The following ENPP4 variants were observed in gnomAD, a reference collection of about 807,000 sequenced individuals.
ENPP4 encodes bis(5'-adenosyl)-triphosphatase ENPP4.
Under a neutral mutation model 33.4 loss-of-function variants are expected in ENPP4, and 18 were observed. The ratio of observed to expected loss-of-function variants is 0.54; its 90% CI spans 0.37 to 0.80. ENPP4 has a LOEUF of 0.80. Among genes scored for constraint, ENPP4 ranks in the 30% least tolerant of loss-of-function variants. The pLI, the probability that ENPP4 is intolerant of heterozygous loss-of-function variation, is 0.00. For missense variants in ENPP4, 480 were observed against 541.7 expected (o/e 0.89, Z 1.13); for synonymous variants, 172 against 189.9 (o/e 0.91, Z 0.78).
intron 1 of ENPP4, among the ~76,000 whole-genome samples, chr6:46,131,907 A>C (rs1763907443): frequency 6.6e-6 from 1 of 152,204 alleles, no homozygotes; most frequent in African/African-American, 2.4e-5. Flanking sequence ...TCTGATGGCC[A>C]GTGATGGTGA....
intron 1 of ENPP4, among the ~76,000 whole-genome samples, chr6:46,139,109 T>C (rs1196628759): frequency 3.3e-5 from 5 of 151,864 alleles, no homozygotes; most frequent in African/African-American, 1.2e-4. Flanking sequence ...CCACCAATTA[T>C]TTCTGTGGGT....
intron 3 of ENPP4, among the ~76,000 whole-genome samples, chr6:46,142,117 T>G (rs1177979831): frequency 1.3e-5 from 2 of 151,350 alleles, no homozygotes; most frequent in African/African-American, 4.8e-5. Context: ...AGACTCAGAA[T>G]CAATGAAGTT....
At chr6:46,143,009 G>C (rs1764090154) in intron 3 of ENPP4, among the ~76,000 whole-genome samples, 1 of 151,602 alleles carries the variant, frequency 6.6e-6, no homozygotes, top group African/African-American at 2.4e-5. Context: ...TTGGTACTCG[G>C]GCTGAAAGAT....
intron 3 of ENPP4, among the ~76,000 whole-genome samples, chr6:46,142,922 C>G (rs1055781139): frequency 4.0e-5 from 6 of 151,764 alleles, no homozygotes; most frequent in African/African-American, 1.5e-4. Flanking sequence ...GAACCCTCAG[C>G]CTGACCACTG....
In ENPP4 at chr6:46,144,896, G is replaced by A. The variant is rs1424335754; in HGVS notation, c.*1256G>A. On this transcript the variant is annotated 3_prime_UTR_variant, in exon 4 of 4. Transcript: ENST00000321037. ...TTTGCATCACAGAAATAATCCCTCT[G>A]TTTAACATGTTTGTTCAGAGCCAAG... is the stretch of plus-strand genomic sequence containing the variant. 4 of 395,762 alleles carry A rather than the reference G, an allele frequency of 1.0e-5. No individual in the cohort carries two copies. Among genetic ancestry groups the A allele is most frequent in the Non-Finnish European group, 1.8e-5 (4 of 224,088 alleles). 24.5% of individuals were successfully genotyped at this position (395,762 alleles called of 1,614,324 possible). A position where few individuals can be genotyped will look rare whatever the true frequency, so the allele number is the denominator to read the frequency against.
At chr6:46,132,929 G>T (rs1343294566) in intron 1 of ENPP4, among the ~76,000 whole-genome samples, 1 of 151,926 alleles carries the variant, frequency 6.6e-6, no homozygotes, top group African/African-American at 2.4e-5. Context: ...GTGAATGGGA[G>T]TTCACTCATG....
chr6:46,140,515 C>G, intron 2 of ENPP4, 106 bp downstream of exon 2: 1 of 677,588 alleles, frequency 1.5e-6, no homozygotes, highest in Non-Finnish European at 2.4e-6. Flanking sequence ...TAGTTTAGAA[C>G]CATATACTCA....
At chr6:46,130,819 G>A (rs1763883870) in intron 1 of ENPP4, among the ~76,000 whole-genome samples, 1 of 152,192 alleles carries the variant, frequency 6.6e-6, no homozygotes, top group Admixed American at 6.5e-5. Context: ...GCTCAGAGAA[G>A]TGAAGGGACG....
At chr6:46,133,166 T>C (rs904224002) in intron 1 of ENPP4, among the ~76,000 whole-genome samples, 7 of 152,148 alleles carry the variant, frequency 4.6e-5, no homozygotes, top group Non-Finnish European at 7.4e-5. Context: ...GGAGGTATTT[T>C]ACTATGTAGA....
chr6:46,135,241 C>G (rs992446076), intron 1 of ENPP4, among the ~76,000 whole-genome samples: 1 of 152,024 alleles, frequency 6.6e-6, no homozygotes, highest in African/African-American at 2.4e-5. Flanking sequence ...ATGTTTAACC[C>G]TTTGAAGACT....
chr6:46,133,373 T>C (rs12209820), intron 1 of ENPP4, among the ~76,000 whole-genome samples: 13,471 of 152,186 alleles, frequency 0.089, 826 homozygotes, highest in South Asian at 0.2. Context: ...GCCTTATTTA[T>C]AGTCATAGAA....
intron 2 of ENPP4, 29 bp downstream of exon 2, chr6:46,140,438 A>G (rs1254032970): frequency 2.3e-6 from 3 of 1,292,402 alleles, no homozygotes; most frequent in African/African-American, 1.5e-5. Context: ...GAGGGATACT[A>G]TTATTCGAAT....
chr6:46,130,950 AACT>A (rs2127491314), intron 1 of ENPP4, among the ~76,000 whole-genome samples: 1 of 152,326 alleles, frequency 6.6e-6, no homozygotes, highest in Admixed American at 6.5e-5. Flanking sequence ...AAGATTTGCC[AACT>A]ACTGTGAAAT....
intron 1 of ENPP4, among the ~76,000 whole-genome samples, chr6:46,132,036 T>C (rs1440765680): frequency 6.6e-6 from 1 of 152,242 alleles, no homozygotes; most frequent in Non-Finnish European, 1.5e-5. Flanking sequence ...TTGAATTCAT[T>C]GTAGATTCTG....
intron 1 of ENPP4, among the ~76,000 whole-genome samples, chr6:46,131,060 C>T (rs1482094539): frequency 1.3e-5 from 2 of 152,184 alleles, no homozygotes; most frequent in Non-Finnish European, 2.9e-5. Flanking sequence ...AGGCCTGCTG[C>T]ACTTGTGCGT....
chr6:46,139,372 AAGAC>A (rs1297352291), intron 1 of ENPP4, among the ~76,000 whole-genome samples, 175 bp from the exon 2 acceptor site: 2 of 120,666 alleles, frequency 1.7e-5, no homozygotes, highest in African/African-American at 5.2e-5. Context: ...GAAATTGGAC[AAGAC>A]AATTTTTTTT....
At chr6:46,143,210 A>G (rs1410953680) in intron 3 of ENPP4, 66 bp from the exon 4 acceptor site, 1 of 1,451,904 alleles carries the variant, frequency 6.9e-7, no homozygotes, top group African/African-American at 1.4e-5. Context: ...TTTATATACT[A>G]GAAGCAAGTT....
Position 46,143,305 on chromosome 6 carries a change from C to A in ENPP4, c.1027C>A (p.Pro343Thr), listed in dbSNP as rs1480143227. The change falls in exon 4 of 4, where the codon CCT becomes ACT. Residue 343 changes from proline (P) to threonine (T), a missense_variant. Pro to Thr is a conservative substitution (Grantham distance 38). Transcript: ENST00000321037. ...LGDHGYDNSL[P>T]SMHPFLAAHG... The stretch of plus-strand genomic sequence containing the variant: ...TGACCATGGTTATGATAATTCTTTG[C>A]CTAGTATGCATCCATTTCTAGCTGC... 6.3e-7 allele frequency: 1 copy of A among 1,598,984 alleles called. No individual in the cohort carries two copies. Among genetic ancestry groups the A allele is most frequent in the South Asian group, 1.1e-5 (1 of 89,598 alleles).
chr6:46,135,249 A>G (rs1763960654), intron 1 of ENPP4, among the ~76,000 whole-genome samples: 1 of 152,070 alleles, frequency 6.6e-6, no homozygotes, highest in Admixed American at 6.6e-5. Context: ...CCCTTTGAAG[A>G]CTGCCAGAAT....
Sources: allele counts gnomAD v4.1 joint callset (sites outside exome capture counted in the v4.1 genomes callset), GRCh38; gene constraint gnomAD v4.1.1; transcripts MANE v1.5; gene names NCBI Gene and HGNC (gene_info 2026-07-23, HGNC 2026-07-21).